Variants in RPS6KA2 observed in about 807,000 individuals in gnomAD.
RPS6KA2 encodes ribosomal protein S6 kinase alpha-2.
A neutral mutation model predicts 91.8 loss-of-function variants in RPS6KA2; 42 were observed. The observed-to-expected ratio is 0.46, with a 90% CI of 0.36 to 0.59. The LOEUF (loss-of-function observed/expected upper bound fraction) is 0.59. Ranked by LOEUF, RPS6KA2 falls within the 20% of genes least tolerant of loss-of-function variation. The pLI is 0.00. For synonymous variants in RPS6KA2, 414 were observed against 393.6 expected, an observed-to-expected ratio of 1.05 and a Z score of -0.61; for missense variants, 798 against 978.5, an observed-to-expected ratio of 0.82 and a Z score of 2.46.
In RPS6KA2 at chr6:166,712,774, C is replaced by T. The variant is rs112189603; in HGVS notation, c.123+145426G>A. 4.3e-3 allele frequency among the ~76,000 whole-genome samples: 659 copies of T among 152,318 alleles called. 3 individuals carry two copies. The highest frequency in any genetic ancestry group is 6.8e-3 in the Non-Finnish European group (464 of 68,036). On this transcript the variant is annotated intron_variant, in intron 2 of 21. Coordinates refer to the RPS6KA2 transcript ENST00000503859. ...AGGTCACAGGGTTCTGCCTTCCCGG[C>T]GCCCCCTTCTAGATGTTGCCACGTG... is the stretch of plus-strand genomic sequence containing the variant.
At chr6:166,851,321 C>T (rs1426522611) in intron 2 of RPS6KA2, among the ~76,000 whole-genome samples, 1 of 152,240 alleles carries the variant, frequency 6.6e-6, no homozygotes, top group Non-Finnish European at 1.5e-5. Flanking sequence ...TGCTGCTCCG[C>T]ACACTAGACA....
chr6:166,695,905 G>A (rs1029191410), intron 2 of RPS6KA2, among the ~76,000 whole-genome samples: 1 of 152,108 alleles, frequency 6.6e-6, no homozygotes, highest in African/African-American at 2.4e-5. Context: ...ATTCTCACAG[G>A]AGCACTAGAT....
At chr6:166,417,067 A>G (rs1454902857) in intron 19 of RPS6KA2, among the ~76,000 whole-genome samples, 1 of 152,170 alleles carries the variant, frequency 6.6e-6, no homozygotes, top group Non-Finnish European at 1.5e-5. Context: ...ATGATTTACT[A>G]TTGGATTAGA....
At chr6:166,846,034 T>C (rs1045538530) in intron 2 of RPS6KA2, among the ~76,000 whole-genome samples, 1 of 151,968 alleles carries the variant, frequency 6.6e-6, no homozygotes, top group African/African-American at 2.4e-5. Flanking sequence ...ATATTACAAC[T>C]GGATACCATA....
intron 12 of RPS6KA2, among the ~76,000 whole-genome samples, chr6:166,456,021 G>A (rs546454600): frequency 6.6e-6 from 1 of 152,326 alleles, no homozygotes; most frequent in African/African-American, 2.4e-5. Context: ...TGTGTGCGGG[G>A]GTGGGGGCAC....
chr6:166,650,955 T>C (rs1000274797), intron 2 of RPS6KA2, among the ~76,000 whole-genome samples: 1 of 152,176 alleles, frequency 6.6e-6, no homozygotes, highest in African/African-American at 2.4e-5. Flanking sequence ...TAAAATTGTT[T>C]TCAGCACCTA....
intron 1 of RPS6KA2, chr6:166,586,245 C>G: frequency 1.3e-6 from 2 of 1,595,316 alleles, no homozygotes; most frequent in South Asian, 1.1e-5. Flanking sequence ...CTGATTGGAT[C>G]GATTGTCACT....
At chr6:166,540,567 T>C (rs1379777848) in intron 1 of RPS6KA2, among the ~76,000 whole-genome samples, 3 of 152,266 alleles carry the variant, frequency 2.0e-5, no homozygotes, top group Non-Finnish European at 4.4e-5. Context: ...TGTTGCTTCA[T>C]AATTACTTCT....
At chr6:166,677,135 G>A (rs1276196175) in intron 2 of RPS6KA2, among the ~76,000 whole-genome samples, 2 of 152,150 alleles carry the variant, frequency 1.3e-5, no homozygotes, top group Non-Finnish European at 2.9e-5. Context: ...GCTACCAGGT[G>A]TCTTCACAAC....
chr6:166,656,896 C>G (rs1385773953), intron 2 of RPS6KA2, among the ~76,000 whole-genome samples: 1 of 152,180 alleles, frequency 6.6e-6, no homozygotes, highest in Non-Finnish European at 1.5e-5. Context: ...ACTATTCTTG[C>G]GGCACTGGGG....
At chr6:166,808,632 G>A (rs1779552892) in intron 2 of RPS6KA2, among the ~76,000 whole-genome samples, 1 of 152,118 alleles carries the variant, frequency 6.6e-6, no homozygotes, top group Non-Finnish European at 1.5e-5. Flanking sequence ...TTGCACAAAA[G>A]AACCACGTGT....
chr6:166,440,351 CA>C (rs1350392677), intron 14 of RPS6KA2: 2 of 152,162 alleles, frequency 1.3e-5, no homozygotes, highest in Admixed American at 1.3e-4. Context: ...AGGGGCTGAG[CA>C]TACGAGAAAC....
rs1431689085 is a variant in RPS6KA2 at position 166,418,612 on chromosome 6, G to T, written c.1821-270C>A. 6.6e-6 allele frequency among the ~76,000 whole-genome samples: 1 copy of T among 152,246 alleles called. No homozygotes were observed. Among genetic ancestry groups the T allele is most frequent in the Non-Finnish European group, 1.5e-5 (1 of 68,038 alleles). On this transcript the variant is annotated intron_variant, in intron 18 of 20. Transcript: ENST00000265678. The surrounding 1 kb of genome is among the most constrained non-coding windows in gnomAD (Gnocchi z 4.9). ...TATCCCCTCCGGACCCAGGTAAACT[G>T]GGATGGGGTGGCCTAGTGAGTTGCC...
At position 166,726,347 on chromosome 6, in the gene RPS6KA2, TG is replaced by T. The variant is rs1026015692; in HGVS notation, c.123+131852del. On this transcript the variant is annotated intron_variant, in intron 2 of 21. Transcript: ENST00000503859. This position sits in a 1 kb window ranked among gnomAD's most constrained non-coding sequence, Gnocchi z 4.4. ...TCCTGGGGAAAGGGCTAAACTCCAC[TG>T]GGGGAAAGTTCCATTCCACCTCCGA... Among the ~76,000 whole-genome samples, 5 of 152,144 alleles carry T rather than the reference TG, an allele frequency of 3.3e-5. No individual in the cohort carries two copies. Among genetic ancestry groups the T allele is most frequent in the African/African-American group, 1.2e-4 (5 of 41,424 alleles).
At chr6:166,692,846 C>T (rs1252212253) in intron 2 of RPS6KA2, among the ~76,000 whole-genome samples, 7 of 152,152 alleles carry the variant, frequency 4.6e-5, no homozygotes, top group Non-Finnish European at 8.8e-5. Context: ...GAGAGCATGT[C>T]GCCTAAGTTA....
chr6:166,504,548 A>G lies in RPS6KA2; in HGVS notation c.524T>C (p.Leu175Pro). Residue 175 changes from leucine to proline, a missense_variant, in exon 6 of 21, where the codon CTC becomes CCC. Physicochemically the swap from Leu to Pro is moderately conservative, Grantham distance 98. Coordinates refer to ENST00000265678, the MANE Select transcript of RPS6KA2 (RefSeq NM_021135.6). ...LAELALALDH[L>P]HSLGIIYRDL... The stretch of plus-strand genomic sequence containing the variant: ...TCTGTAGATGATCCCCAGGCTGTGG[A>G]GATGGTCTAAAGCCAAGGCCAGCTC... 1 of 1,613,736 alleles carries G rather than the reference A, an allele frequency of 6.2e-7. No homozygotes were observed.
chr6:166,818,861 T>C (rs563041391), intron 2 of RPS6KA2, among the ~76,000 whole-genome samples: 1 of 152,000 alleles, frequency 6.6e-6, no homozygotes, highest in East Asian at 1.9e-4. Context: ...ATGCCCTTAT[T>C]TCCTGGACCA....
chr6:166,782,065 G>A (rs1052763345), intron 2 of RPS6KA2, among the ~76,000 whole-genome samples: 2 of 152,188 alleles, frequency 1.3e-5, no homozygotes, highest in East Asian at 1.9e-4. Context: ...CAAGGTTGGC[G>A]GATCATCTTG....
chr6:166,529,559 T>C (rs1166225860), intron 3 of RPS6KA2, among the ~76,000 whole-genome samples: 1 of 152,084 alleles, frequency 6.6e-6, no homozygotes, highest in African/African-American at 2.4e-5. Flanking sequence ...ACCCTAGCAC[T>C]TAAAGCATTA....
Sources: gnomAD v4.1 joint callset for allele counts (sites outside exome capture counted in the v4.1 genomes callset) on GRCh38, gnomAD v4.1.1 for gene constraint, Gnocchi (gnomAD v3.1) non-coding constraint, MANE v1.5 for transcripts, NCBI Gene and HGNC (gene_info 2026-07-23, HGNC 2026-07-21) for gene names.